The following PHF13 variants were observed in gnomAD, a reference collection of about 807,000 sequenced individuals.
PHF13 encodes the protein PHD finger protein 13.
In PHF13, 1 loss-of-function variant was observed where a neutral mutation model predicts 25.8. That is an observed-to-expected ratio of 0.04 (90% CI 0.01 to 0.18). The LOEUF (loss-of-function observed/expected upper bound fraction) is 0.18, where lower values mean the gene tolerates loss of function less well. PHF13 is among the 10% of genes least tolerant of loss of function. The pLI is 1.00. For synonymous variants in PHF13, 195 were observed against 162.4 expected (o/e 1.20, Z -1.53); for missense variants, 306 against 403.2 (o/e 0.76, Z 2.06).
chr1:6,614,279 C>T (rs1331696340), intron 1 of PHF13, among the ~76,000 whole-genome samples, 174 bp downstream of exon 1: 1 of 142,734 alleles, frequency 7.0e-6, no homozygotes, highest in African/African-American at 2.6e-5. Context: ...CGCGCTCGGT[C>T]CTCTCCGCCG....
rs899511984 is a variant in PHF13, at chr1:6,622,176, G to T, written c.*539G>T. The T allele has an allele frequency of 5.9e-6, 1 of 169,764 alleles. No individual in the cohort carries two copies. The highest frequency in any genetic ancestry group is 5.4e-5 in the Admixed American group (1 of 18,354). 10.5% of individuals were successfully genotyped at this position (169,764 alleles called of 1,614,324 possible). ...TCAGCTGCTGCCTGACCGGCTGGGG[G>T]AGGCACTGGCGGGAGGCCTCGGGCT... On this transcript the variant is annotated 3_prime_UTR_variant, in exon 4 of 4. Transcript: ENST00000377648.
chr1:6,619,054 ATTACC>A (rs1641302500), intron 2 of PHF13, among the ~76,000 whole-genome samples: 2 of 152,244 alleles, frequency 1.3e-5, no homozygotes, highest in African/African-American at 4.8e-5. Flanking sequence ...TGGGGCAGTA[ATTACC>A]TACTTGGATT....
In PHF13 at chr1:6,613,801, C is replaced by T; in HGVS notation, c.-266C>T. The T allele has an allele frequency of 2.5e-6, 1 of 396,882 alleles. No individual in the cohort carries two copies. Among genetic ancestry groups the T allele is most frequent in the Non-Finnish European group, 4.5e-6 (1 of 221,114 alleles). 24.6% of individuals were successfully genotyped at this position (396,882 alleles called of 1,614,324 possible). On this transcript the variant is annotated 5_prime_UTR_variant, in exon 1 of 4. Transcript: ENST00000377648. Reference sequence around the variant, plus strand: ...AGCCGGTCGGGTTCCCGCTCACCGCCGCCGCCGCCGCCCCCTGCAGCCACT... The same window carrying T: ...AGCCGGTCGGGTTCCCGCTCACCGCTGCCGCCGCCGCCCCCTGCAGCCACT...
intron 2 of PHF13, among the ~76,000 whole-genome samples, chr1:6,619,386 C>G (rs536950227): frequency 2.0e-5 from 3 of 152,082 alleles, no homozygotes; most frequent in African/African-American, 7.2e-5. Context: ...ATCTCCCTCC[C>G]GTTACCAAGG....
rs542766662 is a variant in PHF13 at position 6,618,133 on chromosome 1, C to A, written c.141+1275C>A. 3.3e-5 allele frequency among the ~76,000 whole-genome samples: 5 copies of A among 152,010 alleles called. No homozygotes were observed. In the East Asian group the frequency reaches 9.7e-4, roughly 29 times the overall value. On this transcript the variant is annotated intron_variant, in intron 2 of 3. Coordinates refer to ENST00000377648, the MANE Select transcript of PHF13 (RefSeq NM_153812.3). ...GTATTCGATTAAGCTCAAAATTGAA[C>A]AATCCAGCTTTTTTTTTTTTGCGAC...
chr1:6,614,950 GC>G (rs1223603178), intron 1 of PHF13, among the ~76,000 whole-genome samples: 1 of 151,336 alleles, frequency 6.6e-6, no homozygotes, highest in Non-Finnish European at 1.5e-5. Context: ...TCTCGCTGCC[GC>G]CCCCGGGGGT....
intron 2 of PHF13, 36 bp downstream of exon 2, chr1:6,616,894 G>A: frequency 6.3e-7 from 1 of 1,582,662 alleles, no homozygotes; most frequent in Non-Finnish European, 8.7e-7. Context: ...TTCTTGATGA[G>A]TAGTCAAACC....
intron 1 of PHF13, among the ~76,000 whole-genome samples, 172 bp downstream of exon 1, chr1:6,614,277 G>C (rs1641218828): frequency 1.4e-5 from 2 of 146,364 alleles, no homozygotes; most frequent in East Asian, 2.1e-4. Context: ...CCCGCGCTCG[G>C]TCCTCTCCGC....
At chr1:6,616,394 G>T (rs879369544) in intron 1 of PHF13, among the ~76,000 whole-genome samples, 1 of 152,176 alleles carries the variant, frequency 6.6e-6, no homozygotes, top group Non-Finnish European at 1.5e-5. Context: ...TTCATACTCA[G>T]AATGGAAAAT....
chr1:6,617,540 C>T (rs1378924310), intron 2 of PHF13, among the ~76,000 whole-genome samples: 4 of 152,078 alleles, frequency 2.6e-5, no homozygotes, highest in South Asian at 2.1e-4. Context: ...TGGGTTCAAG[C>T]GATTCTCCTG....
intron 1 of PHF13, chr1:6,614,680 C>T (rs1463491065): frequency 3.3e-5 from 5 of 151,268 alleles, no homozygotes; most frequent in Admixed American, 2.0e-4. Flanking sequence ...GGGCCCCACC[C>T]GCTCTGGGGA....
Position 6,613,806 on chromosome 1 carries a change from C to T in PHF13, c.-261C>T, listed in dbSNP as rs1012739182. The T allele has an allele frequency of 1.7e-5, 7 of 410,312 alleles. No individual in the cohort carries two copies. Among genetic ancestry groups the T allele is most frequent in the Non-Finnish European group, 3.1e-5 (7 of 229,392 alleles). 25.4% of individuals were successfully genotyped at this position (410,312 alleles called of 1,614,324 possible). A position where few individuals can be genotyped will look rare whatever the true frequency, so the allele number is the denominator to read the frequency against. On this transcript the variant is annotated 5_prime_UTR_variant, in exon 1 of 4. Transcript: ENST00000377648. ...GTCGGGTTCCCGCTCACCGCCGCCG[C>T]CGCCGCCCCCTGCAGCCACTCTCCC...
In PHF13 at chr1:6,621,736, G is replaced by A. The variant is rs997024620; in HGVS notation, c.*99G>A. On this transcript the variant is annotated 3_prime_UTR_variant, in exon 4 of 4. Transcript: ENST00000377648. This position sits in a 1 kb window ranked among gnomAD's most constrained non-coding sequence, Gnocchi z 4.8. ...AGCACAGAACCCTCAGCTCTGGTGCGGGCAGATCCCTGCCATTTAGGTGCC... is the reference window on the plus strand; with the variant it reads ...AGCACAGAACCCTCAGCTCTGGTGCAGGCAGATCCCTGCCATTTAGGTGCC... The A allele has an allele frequency of 1.5e-5, 18 of 1,219,582 alleles. No individual in the cohort carries two copies. The highest frequency in any genetic ancestry group is 7.6e-5 in the South Asian group (6 of 78,462). 75.5% of individuals were successfully genotyped at this position (1,219,582 alleles called of 1,614,324 possible).
chr1:6,614,632 C>T (rs1399849842), intron 1 of PHF13: 1 of 151,500 alleles, frequency 6.6e-6, no homozygotes, highest in Non-Finnish European at 1.5e-5. Flanking sequence ...CCCAGTCGGC[C>T]CCCGCCCCCT....
In PHF13 at chr1:6,614,042, G is replaced by A. The variant is rs1641211936; in HGVS notation, c.-25G>A. On this transcript the variant is annotated 5_prime_UTR_variant, in exon 1 of 4. Coordinates refer to ENST00000377648, the MANE Select transcript of PHF13 (RefSeq NM_153812.3). ...GCATCCCAGCTCCTGCACTCTCGCA[G>A]CCGCCGCCGCCCCCCGCCCGGAACA... The A allele has an allele frequency of 6.4e-7, 1 of 1,568,558 alleles. No homozygotes were observed. Among genetic ancestry groups the A allele is most frequent in the South Asian group, 1.1e-5 (1 of 87,914 alleles).
intron 1 of PHF13, 128 bp downstream of exon 1, chr1:6,614,233 C>A (rs2148708425): frequency 1.4e-6 from 1 of 702,390 alleles, no homozygotes; most frequent in South Asian, 1.7e-5. Context: ...CTCGTCGGCC[C>A]CCCCGGGAGC....
At position 6,618,667 on chromosome 1, in the gene PHF13, G is replaced by A. The variant is rs143328987; in HGVS notation, c.142-1136G>A. On this transcript the variant is annotated intron_variant, in intron 2 of 3. Transcript: ENST00000377648. The stretch of plus-strand genomic sequence containing the variant: ...CTTTCTTTTTTTCTTTTTTTGAGAC[G>A]GAGTCTTGCTCTGTGGCTCAGGCTG... Among the ~76,000 whole-genome samples the A allele has an allele frequency of 1.7e-3, 264 of 151,868 alleles. 1 individual carries two copies. The highest frequency in any genetic ancestry group is 5.0e-3 in the African/African-American group (205 of 41,406).
chr1:6,618,019 G>C (rs1005445993), intron 2 of PHF13, among the ~76,000 whole-genome samples: 1 of 152,226 alleles, frequency 6.6e-6, no homozygotes, highest in African/African-American at 2.4e-5. Flanking sequence ...GCTGCAACTT[G>C]ATGTAGATGA....
At position 6,621,782 on chromosome 1, in the gene PHF13, C is replaced by T. The variant is rs1641343662; in HGVS notation, c.*145C>T. The T allele has an allele frequency of 6.2e-6, 5 of 801,714 alleles. No homozygotes were observed. The highest frequency in any genetic ancestry group is 1.0e-5 in the Non-Finnish European group (5 of 499,242). The allele number at this position is 801,714 out of a possible 1,614,324, so 49.7% of individuals were successfully genotyped here. A position where few individuals can be genotyped will look rare whatever the true frequency, so the allele number is the denominator to read the frequency against. On this transcript the variant is annotated 3_prime_UTR_variant, in exon 4 of 4. Coordinates refer to ENST00000377648, the MANE Select transcript of PHF13 (RefSeq NM_153812.3). The surrounding 1 kb of genome is among the most constrained non-coding windows in gnomAD (Gnocchi z 4.8). ...GTGCCTAAGCAAAAGGACAGGCTGT[C>T]CAAGGTAGAAACTGTACATAGCCGG... is the stretch of plus-strand genomic sequence containing the variant.
Sources: gnomAD v4.1 joint callset for allele counts (sites outside exome capture counted in the v4.1 genomes callset) on GRCh38, gnomAD v4.1.1 for gene constraint, Gnocchi (gnomAD v3.1) non-coding constraint, MANE v1.5 for transcripts, NCBI Gene and HGNC (gene_info 2026-07-23, HGNC 2026-07-21) for gene names.